The following PTK2B variants were observed in gnomAD, a reference collection of about 807,000 sequenced individuals.
PTK2B encodes the protein protein tyrosine kinase 2 beta, also known as protein-tyrosine kinase 2-beta.
In PTK2B, 71 loss-of-function variants were observed where a neutral mutation model predicts 142.9. That is an observed-to-expected ratio of 0.50 (90% CI 0.41 to 0.61). The LOEUF (loss-of-function observed/expected upper bound fraction) is 0.61, where lower values mean the gene tolerates loss of function less well. Among genes scored for constraint, PTK2B ranks in the 20% least tolerant of loss-of-function variants. The probability of loss-of-function intolerance (pLI) is 0.00; values close to 1 mark genes in which losing one functional copy is unlikely to be tolerated. For missense variants in PTK2B, 1,105 were observed against 1,320.4 expected (o/e 0.84, Z 2.53); for synonymous variants, 519 against 503.4 (o/e 1.03, Z -0.42).
chr8:27,437,684 C>G (rs564214051), intron 17 of PTK2B, 81 bp from the exon 18 acceptor site: 1 of 1,401,412 alleles, frequency 7.1e-7, no homozygotes, highest in South Asian at 1.2e-5. Context: ...AGGGAAGGGT[C>G]AGGGGTTGCC....
At chr8:27,427,102 C>G (rs1810130404) in intron 5 of PTK2B, among the ~76,000 whole-genome samples, 1 of 152,154 alleles carries the variant, frequency 6.6e-6, no homozygotes, top group Non-Finnish European at 1.5e-5. Context: ...CTGCTTGGCA[C>G]AGTCTTCTCA....
chr8:27,359,791 T>C (rs1335999392), intron 1 of PTK2B, among the ~76,000 whole-genome samples: 1 of 152,120 alleles, frequency 6.6e-6, no homozygotes, highest in Non-Finnish European at 1.5e-5. Flanking sequence ...AGGTCAAGCT[T>C]CTTCATGCCC....
chr8:27,375,626 A>T (rs1371307542), intron 1 of PTK2B, among the ~76,000 whole-genome samples: 1 of 152,098 alleles, frequency 6.6e-6, no homozygotes, highest in Non-Finnish European at 1.5e-5. Context: ...TCCTGGTCAT[A>T]AGCTACTAGG....
intron 1 of PTK2B, among the ~76,000 whole-genome samples, chr8:27,339,385 C>T (rs913572084): frequency 3.3e-5 from 5 of 152,188 alleles, no homozygotes; most frequent in Non-Finnish European, 5.9e-5. Flanking sequence ...ACAGTCTGAT[C>T]CATCTCAGAG....
intron 2 of PTK2B, among the ~76,000 whole-genome samples, chr8:27,416,323 A>G (rs80339405): frequency 0.027 from 4,066 of 152,344 alleles, 178 homozygotes; most frequent in African/African-American, 0.089. Context: ...ACATTGGTAC[A>G]GTATAGACAA....
At chr8:27,327,634 C>G (rs976018974) in intron 1 of PTK2B, among the ~76,000 whole-genome samples, 1 of 152,154 alleles carries the variant, frequency 6.6e-6, no homozygotes, top group African/African-American at 2.4e-5. Context: ...AACCATTCCT[C>G]CTGGATTTTA....
At chr8:27,443,116 C>T (rs1347291836) in intron 22 of PTK2B, 133 bp downstream of exon 22, 3 of 622,652 alleles carry the variant, frequency 4.8e-6, no homozygotes, top group Non-Finnish European at 8.7e-6. Context: ...CAGCATCCAC[C>T]ATCACTGTCA....
rs1166360024 is a variant in PTK2B at position 27,437,878 on chromosome 8, C to T, written c.1641C>T (p.His547=). The change falls in exon 18 of 31, where the codon CAC becomes CAT. Residue 547 remains histidine (H), a splice_region_variant and synonymous_variant. Coordinates refer to ENST00000346049, the MANE Select transcript of PTK2B (RefSeq NM_173176.3). ...ACCTGGAGAGCATCAACTGCGTGCA[C>T]AGGTAGGGGTGGAGGGAGTGGCCAG... The part of the protein sequence containing the change: ...MAYLESINCV[H]RDIAVRNILV... 3 of 1,609,056 alleles carry T rather than the reference C, an allele frequency of 1.9e-6. No individual in the cohort carries two copies. The highest frequency in any genetic ancestry group is 2.5e-6 in the Non-Finnish European group (3 of 1,177,866).
intron 1 of PTK2B, among the ~76,000 whole-genome samples, chr8:27,348,266 C>G (rs1052828697): frequency 6.6e-6 from 1 of 152,196 alleles, no homozygotes; most frequent in Non-Finnish European, 1.5e-5. Flanking sequence ...TCCTGTGTTA[C>G]GAATACTCAA....
At chr8:27,340,113 G>A (rs1804307997) in intron 1 of PTK2B, among the ~76,000 whole-genome samples, 2 of 152,362 alleles carry the variant, frequency 1.3e-5, no homozygotes, top group South Asian at 4.1e-4. Context: ...ACATCACTTA[G>A]CACCTGCTGT....
intron 1 of PTK2B, among the ~76,000 whole-genome samples, chr8:27,380,026 G>A (rs1806916933): frequency 6.6e-6 from 1 of 152,222 alleles, no homozygotes; most frequent in Non-Finnish European, 1.5e-5. Context: ...ACAGGCATGA[G>A]CCACTGCACC....
At chr8:27,319,449 G>A (rs983700341) in intron 3 of PTK2B, among the ~76,000 whole-genome samples, 1 of 149,832 alleles carries the variant, frequency 6.7e-6, no homozygotes, top group African/African-American at 2.5e-5. Flanking sequence ...GAGACTGTCC[G>A]GGCTAACATG....
upstream of PTK2B, among the ~76,000 whole-genome samples, chr8:27,323,740 C>A (rs545650693): frequency 5.3e-5 from 8 of 152,190 alleles, no homozygotes; most frequent in African/African-American, 1.7e-4. Flanking sequence ...GAGTTGGCCA[C>A]CCCAGAGAGT....
intron 21 of PTK2B, among the ~76,000 whole-genome samples, chr8:27,441,797 C>T (rs1811172473): frequency 6.6e-6 from 1 of 152,200 alleles, no homozygotes; most frequent in Admixed American, 6.5e-5. Context: ...AGGTTAAAAG[C>T]CCTGGGGGGA....
intron 1 of PTK2B, among the ~76,000 whole-genome samples, chr8:27,371,957 T>C (rs1806387132): frequency 6.6e-6 from 1 of 152,172 alleles, no homozygotes; most frequent in Non-Finnish European, 1.5e-5. Context: ...GCCTGGGAAG[T>C]ACCAATATGA....
At chr8:27,355,543 T>C (rs1479223287) in intron 1 of PTK2B, among the ~76,000 whole-genome samples, 1 of 152,184 alleles carries the variant, frequency 6.6e-6, no homozygotes, top group Admixed American at 6.5e-5. Flanking sequence ...ATTAGTGTTG[T>C]TTTAAGCCAC....
At chr8:27,349,377 C>T (rs1804907810) in intron 1 of PTK2B, among the ~76,000 whole-genome samples, 1 of 152,176 alleles carries the variant, frequency 6.6e-6, no homozygotes, top group South Asian at 2.1e-4. Flanking sequence ...ACAAATAGAA[C>T]CCCGTAATAA....
At chr8:27,312,074 A>G (rs947275519) in intron 1 of PTK2B, among the ~76,000 whole-genome samples, 2 of 152,188 alleles carry the variant, frequency 1.3e-5, no homozygotes, top group South Asian at 2.1e-4. Flanking sequence ...TTTAGCTGAG[A>G]TAACTAGAGT....
chr8:27,378,125 T>C (rs931751336), intron 1 of PTK2B, among the ~76,000 whole-genome samples: 3 of 151,748 alleles, frequency 2.0e-5, no homozygotes, highest in African/African-American at 7.3e-5. Context: ...CTTCTATCTT[T>C]TTCTTTCTTT....
Sources: allele counts gnomAD v4.1 joint callset (sites outside exome capture counted in the v4.1 genomes callset), GRCh38; gene constraint gnomAD v4.1.1; transcripts MANE v1.5; gene names NCBI Gene and HGNC (gene_info 2026-07-23, HGNC 2026-07-21).